PCP4: variants seen among roughly 807,000 people sequenced by gnomAD.
The protein encoded by PCP4 is Purkinje cell protein 4, also known as calmodulin regulator protein PCP4.
In PCP4, 8 loss-of-function variants were observed where a neutral mutation model predicts 10.0. That is an observed-to-expected ratio of 0.80 (90% CI 0.47 to 1.45). The LOEUF is 1.45. Among genes scored for constraint, PCP4 ranks in the 40% most tolerant of loss-of-function variants. The probability of loss-of-function intolerance (pLI) is 0.00; values close to 1 mark genes in which losing one functional copy is unlikely to be tolerated. For missense variants in PCP4, 54 were observed against 74.4 expected (o/e 0.73, Z 1.01); for synonymous variants, 21 against 23.0 (o/e 0.91, Z 0.24).
chr21:39,880,313 C>A (rs896387912), intron 1 of PCP4, among the ~76,000 whole-genome samples: 2 of 151,974 alleles, frequency 1.3e-5, no homozygotes, highest in African/African-American at 4.8e-5. Flanking sequence ...TTGGAGGAAG[C>A]CTCCCTAGCA....
intron 1 of PCP4, among the ~76,000 whole-genome samples, chr21:39,871,283 A>T (rs2087318576): frequency 6.6e-6 from 1 of 152,226 alleles, no homozygotes; most frequent in South Asian, 2.1e-4. Context: ...ACTAAGGTTA[A>T]AACGAAACAG....
At chr21:39,915,723 G>A (rs934723873) in intron 2 of PCP4, among the ~76,000 whole-genome samples, 13 of 152,142 alleles carry the variant, frequency 8.5e-5, no homozygotes, top group Non-Finnish European at 1.8e-4. Flanking sequence ...GGGAAAAAAT[G>A]GGCAAGGGGT....
intron 1 of PCP4, among the ~76,000 whole-genome samples, chr21:39,888,610 T>C (rs1254471347): frequency 6.6e-6 from 1 of 152,186 alleles, no homozygotes; most frequent in African/African-American, 2.4e-5. Flanking sequence ...CGGTGTGAGT[T>C]AGGGGACTCC....
chr21:39,927,954 T>C (rs1410179881), intron 2 of PCP4, among the ~76,000 whole-genome samples: 4 of 152,156 alleles, frequency 2.6e-5, no homozygotes, highest in Admixed American at 1.3e-4. Flanking sequence ...CATGCCTGTA[T>C]TTAAAAAAAG....
chr21:39,880,184 A>ATATCTATATC (rs2087368039), intron 1 of PCP4, among the ~76,000 whole-genome samples: 4 of 141,784 alleles, frequency 2.8e-5, no homozygotes, highest in African/African-American at 1.2e-4. Context: ...ATCTATATCT[A>ATATCTATATC]TATCTATCTA....
At chr21:39,872,135 AC>A (rs1438947444) in intron 1 of PCP4, among the ~76,000 whole-genome samples, 1 of 152,020 alleles carries the variant, frequency 6.6e-6, no homozygotes, top group African/African-American at 2.4e-5. Context: ...AGTAGCTGGG[AC>A]TATAGGCTCC....
Position 39,898,546 on chromosome 21 carries a change from T to C in PCP4, c.61+19T>C. On this transcript the variant is annotated intron_variant, in intron 2 of 2. Transcript: ENST00000328619. ...GAAAATGGTAAGAGGACATGAATAG[T>C]CCAAGTTCTTTCTCTTTTGCCATCT... The C allele has an allele frequency of 6.2e-7, 1 of 1,605,598 alleles. No individual in the cohort carries two copies. The highest frequency in any genetic ancestry group is 1.1e-5 in the South Asian group (1 of 90,852).
chr21:39,873,652 C>CAATGT (rs893644862), intron 1 of PCP4, among the ~76,000 whole-genome samples: 131 of 152,228 alleles, frequency 8.6e-4, no homozygotes, highest in African/African-American at 2.7e-3. Flanking sequence ...AAATGAGGTG[C>CAATGT]AATGTGAACA....
chr21:39,892,151 A>T (rs759499590), intron 1 of PCP4, among the ~76,000 whole-genome samples: 2 of 152,216 alleles, frequency 1.3e-5, no homozygotes, highest in African/African-American at 2.4e-5. Context: ...AGCGGCCCCT[A>T]TGCGGGCGTG....
intron 2 of PCP4, among the ~76,000 whole-genome samples, chr21:39,921,917 T>C (rs1383693083): frequency 1.3e-5 from 2 of 152,266 alleles, no homozygotes; most frequent in Non-Finnish European, 2.9e-5. Flanking sequence ...TGAGAACCTC[T>C]GCTCCAGCAC....
At chr21:39,870,830 C>T (rs1243431110) in intron 1 of PCP4, among the ~76,000 whole-genome samples, 1 of 152,192 alleles carries the variant, frequency 6.6e-6, no homozygotes, top group Non-Finnish European at 1.5e-5. Context: ...CCGAGTTTCA[C>T]GGTCATGGGC....
intron 2 of PCP4, among the ~76,000 whole-genome samples, chr21:39,913,412 TACTC>T (rs903434514): frequency 6.6e-6 from 1 of 152,192 alleles, no homozygotes; most frequent in African/African-American, 2.4e-5. Context: ...AGACATAAAA[TACTC>T]ACTTACAAAT....
intron 2 of PCP4, 76 bp downstream of exon 2, chr21:39,898,603 T>A: frequency 8.9e-7 from 1 of 1,119,112 alleles, no homozygotes; most frequent in Non-Finnish European, 1.4e-6. Context: ...GTGCGGATCA[T>A]ACATCCCATC....
At chr21:39,891,140 G>A (rs1481240709) in intron 1 of PCP4, among the ~76,000 whole-genome samples, 1 of 152,130 alleles carries the variant, frequency 6.6e-6, no homozygotes, top group Non-Finnish European at 1.5e-5. Context: ...GCAGGGTATT[G>A]AATATGAAGG....
intron 2 of PCP4, among the ~76,000 whole-genome samples, chr21:39,927,126 C>T (rs1381294321): frequency 6.6e-6 from 1 of 152,136 alleles, no homozygotes; most frequent in Non-Finnish European, 1.5e-5. Context: ...TTGAAGGGTC[C>T]CAGGTGGAAA....
At chr21:39,912,660 A>G (rs2087545889) in intron 2 of PCP4, among the ~76,000 whole-genome samples, 1 of 151,940 alleles carries the variant, frequency 6.6e-6, no homozygotes, top group African/African-American at 2.4e-5. Flanking sequence ...TCCCAATGCC[A>G]TTTTCCGGGG....
At chr21:39,889,519 C>T (rs1236431350) in intron 1 of PCP4, among the ~76,000 whole-genome samples, 114 of 148,974 alleles carry the variant, frequency 7.7e-4, no homozygotes, top group African/African-American at 2.6e-3. Context: ...CGGGTTCACG[C>T]CATTCTCCTG....
chr21:39,922,762 A>T (rs1183473275), intron 2 of PCP4, among the ~76,000 whole-genome samples: 16 of 152,234 alleles, frequency 1.1e-4, no homozygotes, highest in Admixed American at 1.0e-3. Context: ...ATGGACAGGT[A>T]GCTAGATAAT....
At chr21:39,876,985 C>A (rs2087349378) in intron 1 of PCP4, among the ~76,000 whole-genome samples, 1 of 152,212 alleles carries the variant, frequency 6.6e-6, no homozygotes, top group Admixed American at 6.5e-5. Flanking sequence ...GCATCGTTGT[C>A]ATTTCATTCA....
Sources: allele counts gnomAD v4.1 joint callset (sites outside exome capture counted in the v4.1 genomes callset), GRCh38; gene constraint gnomAD v4.1.1; transcripts MANE v1.5; gene names NCBI Gene and HGNC (gene_info 2026-07-23, HGNC 2026-07-21).